VWA2: variants seen among roughly 807,000 people sequenced by gnomAD.
VWA2 encodes von Willebrand factor A domain containing 2.
Under a neutral mutation model 70.4 loss-of-function variants are expected in VWA2, and 73 were observed. That is an observed-to-expected ratio of 1.04 (90% CI 0.86 to 1.26). The LOEUF (loss-of-function observed/expected upper bound fraction) is 1.26, where lower values mean the gene tolerates loss of function less well. Ranked by LOEUF, VWA2 falls within the 50% of genes most tolerant of loss-of-function variation. The pLI is 0.00. For missense variants in VWA2, 1,011 were observed against 998.5 expected (o/e 1.01, Z -0.17); for synonymous variants, 407 against 423.3 (o/e 0.96, Z 0.47).
chr10:114,260,868 A>G (rs1160410299), intron 4 of VWA2, among the ~76,000 whole-genome samples: 1 of 152,214 alleles, frequency 6.6e-6, no homozygotes, highest in Non-Finnish European at 1.5e-5. Context: ...GGTAAAAGTG[A>G]GCAGAGACCC....
Position 114,271,608 on chromosome 10 carries a change from A to AACACACAC in VWA2, c.372-1104_372-1097dup, listed in dbSNP as rs142127208. Among the ~76,000 whole-genome samples, 1,058 of 144,788 alleles carry AACACACAC rather than the reference A, an allele frequency of 7.3e-3. 16 individuals carry two copies. The highest frequency in any genetic ancestry group is 0.019 in the African/African-American group (732 of 39,176). 95.0% of individuals were successfully genotyped at this position (144,788 alleles called of 152,430 possible). A position where few individuals can be genotyped will look rare whatever the true frequency, so the allele number is the denominator to read the frequency against. The stretch of plus-strand genomic sequence containing the variant: ...ATGTCAGACTTGCATGAGAAGTAAA[A>AACACACAC]ACACACACACACACACACACACACA... On this transcript the variant is annotated intron_variant, in intron 5 of 13. Transcript: ENST00000392982.
chr10:114,270,441 GA>G (rs1423207932), intron 5 of VWA2, among the ~76,000 whole-genome samples: 1 of 152,206 alleles, frequency 6.6e-6, no homozygotes, highest in Non-Finnish European at 1.5e-5. Context: ...AAATGCCCAG[GA>G]AATATTACCA....
intron 5 of VWA2, among the ~76,000 whole-genome samples, chr10:114,264,184 T>G (rs893331362): frequency 2.0e-5 from 3 of 152,236 alleles, no homozygotes; most frequent in African/African-American, 7.2e-5. Flanking sequence ...ACGAAAATAG[T>G]TGTATGCTAA....
chr10:114,291,099 G>A, intron 13 of VWA2, 119 bp from the exon 14 acceptor site: 1 of 1,200,948 alleles, frequency 8.3e-7, no homozygotes, highest in Non-Finnish European at 1.2e-6. Context: ...GGCATCTTCT[G>A]CTGGGGGCGA....
At position 114,262,962 on chromosome 10, in the gene VWA2, C is replaced by T. The variant is rs550606261; in HGVS notation, c.371+1667C>T. 7.6e-4 allele frequency among the ~76,000 whole-genome samples: 116 copies of T among 152,286 alleles called. 1 individual carries two copies. The highest frequency in any genetic ancestry group is 2.7e-3 in the African/African-American group (111 of 41,560). On this transcript the variant is annotated intron_variant, in intron 5 of 13. Transcript: ENST00000392982. Reference sequence around the variant, plus strand: ...GTATCTTTGACTAAGACACACAGTGCAGGGGCTTCCTCCCAGATTTGTGGA... The same window carrying T: ...GTATCTTTGACTAAGACACACAGTGTAGGGGCTTCCTCCCAGATTTGTGGA...
rs1172740049 is a variant in VWA2, at chr10:114,246,518, AAAAAAAAC to A, written c.-10-2185_-10-2178del. On this transcript the variant is annotated intron_variant, in intron 1 of 13. Coordinates refer to ENST00000392982, the MANE Select transcript of VWA2 (RefSeq NM_001272046.2). ...GAAACTCCATCTCAAAAAAAAAAAA[AAAAAAAAC>A]GAGTATCATGGGTTGAATTCACATT... 2.7e-3 allele frequency: 2,151 copies of A among 798,830 alleles called. 51 individuals are homozygous for A. In the African/African-American group the frequency reaches 0.035, roughly 13 times the overall value. 49.5% of individuals were successfully genotyped at this position (798,830 alleles called of 1,614,324 possible).
At chr10:114,280,537 G>A (rs2038030599) in intron 8 of VWA2, among the ~76,000 whole-genome samples, 1 of 152,104 alleles carries the variant, frequency 6.6e-6, no homozygotes, top group Admixed American at 6.5e-5. Context: ...GAGGTGGGGG[G>A]CAAACTGTGT....
At chr10:114,246,748 AG>A in intron 1 of VWA2, 1 of 1,458,978 alleles carries the variant, frequency 6.9e-7, no homozygotes, top group Non-Finnish European at 9.6e-7. Context: ...TCCTTGAACC[AG>A]GGCTGCTGTA....
chr10:114,261,899 C>T (rs889764381), intron 5 of VWA2, among the ~76,000 whole-genome samples: 1 of 152,180 alleles, frequency 6.6e-6, no homozygotes, highest in Non-Finnish European at 1.5e-5. Context: ...CCAACATCTG[C>T]TCCTGGTAAG....
chr10:114,257,530 C>T (rs911043146), intron 4 of VWA2, among the ~76,000 whole-genome samples: 1 of 152,136 alleles, frequency 6.6e-6, no homozygotes, highest in African/African-American at 2.4e-5. Context: ...TAAGTGACTG[C>T]CGAGGGTCAC....
intron 1 of VWA2, among the ~76,000 whole-genome samples, chr10:114,245,150 C>T (rs2037043492): frequency 6.6e-6 from 1 of 152,214 alleles, no homozygotes; most frequent in Non-Finnish European, 1.5e-5. Context: ...AGGCATTTGA[C>T]ATCCTGTGTG....
chr10:114,272,152 C>T (rs1160189921), intron 5 of VWA2, among the ~76,000 whole-genome samples: 1 of 152,182 alleles, frequency 6.6e-6, no homozygotes, highest in Non-Finnish European at 1.5e-5. Context: ...AATAGAGGAC[C>T]ATTGGCATCC....
intron 2 of VWA2, among the ~76,000 whole-genome samples, chr10:114,252,704 TTCTCCTGCC>T (rs1338142534): frequency 5.3e-5 from 8 of 152,070 alleles, no homozygotes; most frequent in Non-Finnish European, 1.2e-4. Flanking sequence ...GTTCAAACAG[TTCTCCTGCC>T]TCAGCCTCCC....
intron 2 of VWA2, among the ~76,000 whole-genome samples, chr10:114,250,605 C>T (rs932112339): frequency 2.0e-5 from 3 of 152,214 alleles, no homozygotes; most frequent in African/African-American, 7.2e-5. Flanking sequence ...ACTGTTAATA[C>T]CTGCCTGTTT....
chr10:114,293,180 T>G lies in VWA2; in HGVS notation c.*1943T>G, dbSNP rs1248593503. Among the ~76,000 whole-genome samples the G allele has an allele frequency of 6.6e-6, 1 of 152,236 alleles. No homozygotes were observed. Among genetic ancestry groups the G allele is most frequent in the African/African-American group, 2.4e-5 (1 of 41,456 alleles). On this transcript the variant is annotated 3_prime_UTR_variant, in exon 14 of 14. Transcript: ENST00000392982. ...AGACATTGAGTCATAATCATCTATA[T>G]TCAAGGGATACTTTCATTGATAACT...
rs577915730 is a variant in VWA2, at chr10:114,288,413, T to C, written c.1571-525T>C. ...TCCATACAGCATCTAATTAGTGCCC[T>C]GCATACTGGGGATGGATGAAGGCAC... is the stretch of plus-strand genomic sequence containing the variant. On this transcript the variant is annotated intron_variant, in intron 11 of 13. Transcript: ENST00000392982. Among the ~76,000 whole-genome samples, 5 of 152,356 alleles carry C rather than the reference T, an allele frequency of 3.3e-5. No homozygotes were observed. In the South Asian group the frequency reaches 1.0e-3, roughly 32 times the overall value.
chr10:114,260,411 G>T (rs974600888), intron 4 of VWA2, among the ~76,000 whole-genome samples: 1 of 152,196 alleles, frequency 6.6e-6, no homozygotes, highest in African/African-American at 2.4e-5. Context: ...TGTAGATGCT[G>T]ATTGTCCCCC....
rs2039786405 is a variant in VWA2 at position 114,293,470 on chromosome 10, T to C, written c.*2233T>C. Among the ~76,000 whole-genome samples the C allele has an allele frequency of 6.6e-6, 1 of 152,184 alleles. No homozygotes were observed. Among genetic ancestry groups the C allele is most frequent in the Non-Finnish European group, 1.5e-5 (1 of 68,032 alleles). ...TACTGTTTCTTTGTAGGAAATGGGT[T>C]TCTCGCCTTTGAAACATTTTTTCCC... On this transcript the variant is annotated 3_prime_UTR_variant, in exon 14 of 14. Coordinates refer to ENST00000392982, the MANE Select transcript of VWA2 (RefSeq NM_001272046.2).
intron 4 of VWA2, 107 bp downstream of exon 4, chr10:114,255,155 G>A (rs2037296861): frequency 7.1e-7 from 1 of 1,416,058 alleles, no homozygotes; most frequent in Non-Finnish European, 9.7e-7. Context: ...GAGCTGGGAA[G>A]ACCAAGGGGC....
Sources: allele counts gnomAD v4.1 joint callset (sites outside exome capture counted in the v4.1 genomes callset), GRCh38; gene constraint gnomAD v4.1.1; transcripts MANE v1.5; gene names NCBI Gene and HGNC (gene_info 2026-07-23, HGNC 2026-07-21).